The following MAPKAPK2 variants were observed in gnomAD, a reference collection of about 807,000 sequenced individuals.
MAPKAPK2 encodes MAPK activated protein kinase 2, also known as MAP kinase-activated protein kinase 2.
A neutral mutation model predicts 48.8 loss-of-function variants in MAPKAPK2; 9 were observed. The ratio of observed to expected loss-of-function variants is 0.18; its 90% confidence interval spans 0.11 to 0.32. The LOEUF (loss-of-function observed/expected upper bound fraction) is 0.32. Among genes scored for constraint, MAPKAPK2 ranks in the 10% least tolerant of loss-of-function variants. The pLI is 1.00. For synonymous variants in MAPKAPK2, 202 were observed against 190.6 expected (o/e 1.06, Z -0.49); for missense variants, 331 against 498.3 (o/e 0.66, Z 3.20).
In MAPKAPK2 at chr1:206,732,654, A is replaced by G. The variant is rs1553432918; in HGVS notation, c.1139A>G (p.Asn380Ser). 1.2e-6 allele frequency: 2 copies of G among 1,614,078 alleles called. No individual in the cohort carries two copies. Among genetic ancestry groups the G allele is most frequent in the Non-Finnish European group, 1.7e-6 (2 of 1,180,024 alleles). The change falls in exon 10 of 10, where the codon AAC becomes AGC. Residue 380 changes from asparagine to serine, a missense_variant. Transcript: ENST00000367103. The surrounding 1 kb of genome is among the most constrained non-coding windows in gnomAD (Gnocchi z 4.4). ...ATAAAAAAGATTGAAGATGCATCCA[A>G]CCCTCTGCTGCTGAAGAGGCGGAAG... ...IKIKKIEDAS[N>S]PLLLKRRKKA...
chr1:206,691,482 G>GATATATATAT (rs56752335), intron 1 of MAPKAPK2, among the ~76,000 whole-genome samples: 7,415 of 77,070 alleles, frequency 0.096, 797 homozygotes, highest in East Asian at 0.23. Flanking sequence ...TGTATTTTAA[G>GATATATATAT]ATATATATAT....
At chr1:206,707,400 C>G (rs1672998244) in intron 1 of MAPKAPK2, among the ~76,000 whole-genome samples, 1 of 151,772 alleles carries the variant, frequency 6.6e-6, no homozygotes, top group South Asian at 2.1e-4. Context: ...TCTCCCTCTT[C>G]TTTAAGATGT....
At chr1:206,711,393 G>A (rs961613483) in intron 1 of MAPKAPK2, among the ~76,000 whole-genome samples, 2 of 152,078 alleles carry the variant, frequency 1.3e-5, no homozygotes, top group Non-Finnish European at 2.9e-5. Flanking sequence ...TGGTACCACA[G>A]GTGCGTACCA....
At chr1:206,728,962 GA>G in intron 2 of MAPKAPK2, 72 bp from the exon 3 acceptor site, 1 of 1,611,736 alleles carries the variant, frequency 6.2e-7, no homozygotes, top group Non-Finnish European at 8.5e-7. Flanking sequence ...GTAAACACTT[GA>G]TTTTTTGGGG....
At chr1:206,711,407 C>T (rs1162844999) in intron 1 of MAPKAPK2, among the ~76,000 whole-genome samples, 1 of 152,072 alleles carries the variant, frequency 6.6e-6, no homozygotes, top group Non-Finnish European at 1.5e-5. Flanking sequence ...CGTACCACCA[C>T]ACCCAGCTAA....
Position 206,731,007 on chromosome 1 carries a change from C to A in MAPKAPK2, c.768-131C>A. The stretch of plus-strand genomic sequence containing the variant: ...CCCGGGCTTGACTTTGTATATTGTG[C>A]CTGTGTCAATAAGCCCTGATTTCTC... On this transcript the variant is annotated intron_variant, in intron 6 of 9. Coordinates refer to ENST00000367103, the MANE Select transcript of MAPKAPK2 (RefSeq NM_032960.4). This position sits in a 1 kb window ranked among gnomAD's most constrained non-coding sequence, Gnocchi z 5.9. 3 of 1,294,396 alleles carry A rather than the reference C, an allele frequency of 2.3e-6. No individual in the cohort carries two copies. The highest frequency in any genetic ancestry group is 3.3e-6 in the Non-Finnish European group (3 of 905,168). The allele number at this position is 1,294,396 out of a possible 1,614,324, so 80.2% of individuals were successfully genotyped here.
rs782509239 is a variant in MAPKAPK2, at chr1:206,706,810, C to T, written c.279+21302C>T. Among the ~76,000 whole-genome samples the T allele has an allele frequency of 2.0e-5, 3 of 152,212 alleles. 1 individual carries two copies. In the South Asian group the frequency reaches 6.2e-4, roughly 31 times the overall value. The stretch of plus-strand genomic sequence containing the variant: ...GCTTCAGATGTGCTCTTTCTAGGTC[C>T]TGGCTTGAGTGCTGAGCATTTACCT... On this transcript the variant is annotated intron_variant, in intron 1 of 9. Transcript: ENST00000367103.
At chr1:206,713,678 C>T (rs904419254) in intron 1 of MAPKAPK2, among the ~76,000 whole-genome samples, 4 of 152,068 alleles carry the variant, frequency 2.6e-5, no homozygotes, top group Non-Finnish European at 5.9e-5. Flanking sequence ...ACCAGCCTGG[C>T]CAACATGTGA....
intron 1 of MAPKAPK2, among the ~76,000 whole-genome samples, chr1:206,723,955 C>T (rs1349038398): frequency 2.0e-5 from 3 of 152,264 alleles, no homozygotes; most frequent in Admixed American, 6.5e-5. Flanking sequence ...AATCATTAAC[C>T]TTTTCTACGT....
Position 206,692,911 on chromosome 1 carries a change from A to T in MAPKAPK2, c.279+7403A>T, listed in dbSNP as rs880002662. Among the ~76,000 whole-genome samples, 96 of 152,202 alleles carry T rather than the reference A, an allele frequency of 6.3e-4. 1 individual carries two copies. The highest frequency in any genetic ancestry group is 1.1e-3 in the Non-Finnish European group (74 of 67,996). ...TTTTCTGTTTCAGAGCATATGAGGGAGCTGAGGGAGCTGTACTGTTGATGC... is the reference window on the plus strand; with the variant it reads ...TTTTCTGTTTCAGAGCATATGAGGGTGCTGAGGGAGCTGTACTGTTGATGC... On this transcript the variant is annotated intron_variant, in intron 1 of 9. Coordinates refer to ENST00000367103, the MANE Select transcript of MAPKAPK2 (RefSeq NM_032960.4).
intron 1 of MAPKAPK2, 105 bp from the exon 2 acceptor site, chr1:206,728,604 TG>T: frequency 5.3e-6 from 6 of 1,122,946 alleles, no homozygotes; most frequent in African/African-American, 2.1e-5. Flanking sequence ...CCAGCAGGAG[TG>T]GGGGGTTTGT....
chr1:206,698,960 C>T lies in MAPKAPK2; in HGVS notation c.279+13452C>T, dbSNP rs117539603. On this transcript the variant is annotated intron_variant, in intron 1 of 9. Coordinates refer to ENST00000367103, the MANE Select transcript of MAPKAPK2 (RefSeq NM_032960.4). The stretch of plus-strand genomic sequence containing the variant: ...CTCACAGTATTGCCTCTCTAATGGT[C>T]CTTTGTGACTCCATTATAATTGGGT... Among the ~76,000 whole-genome samples, 46 of 152,270 alleles carry T rather than the reference C, an allele frequency of 3.0e-4. No individual in the cohort carries two copies. In the East Asian group the frequency reaches 8.9e-3, roughly 29 times the overall value.
At chr1:206,721,213 C>T (rs1553431168) in intron 1 of MAPKAPK2, among the ~76,000 whole-genome samples, 1 of 152,160 alleles carries the variant, frequency 6.6e-6, no homozygotes, top group African/African-American at 2.4e-5. Flanking sequence ...TGCCATGTGA[C>T]ATCCCTGCTC....
intron 1 of MAPKAPK2, among the ~76,000 whole-genome samples, chr1:206,716,201 G>A (rs1673325709): frequency 6.6e-6 from 1 of 151,982 alleles, no homozygotes; most frequent in African/African-American, 2.4e-5. Context: ...TGTGTGAGAG[G>A]TAATGTAGAG....
chr1:206,722,954 C>T (rs536322563), intron 1 of MAPKAPK2, among the ~76,000 whole-genome samples: 5 of 152,342 alleles, frequency 3.3e-5, no homozygotes, highest in Middle Eastern at 3.4e-3. Flanking sequence ...ACGTGGCTTT[C>T]CCCCGACCCC....
In MAPKAPK2 at chr1:206,711,940, C is replaced by G. The variant is rs372609533; in HGVS notation, c.280-16770C>G. ...GCCTGGCCCCGTTGTCTATTAACAG[C>G]TGTTTAGTTTATTTCCTTCTGTCCC... On this transcript the variant is annotated intron_variant, in intron 1 of 9. Coordinates refer to ENST00000367103, the MANE Select transcript of MAPKAPK2 (RefSeq NM_032960.4). 1.3e-3 allele frequency among the ~76,000 whole-genome samples: 194 copies of G among 152,272 alleles called. 1 individual carries two copies. Among genetic ancestry groups the G allele is most frequent in the African/African-American group, 4.5e-3 (187 of 41,554 alleles).
rs6660395 is a variant in MAPKAPK2, at chr1:206,704,933, A to G, written c.279+19425A>G. On this transcript the variant is annotated intron_variant, in intron 1 of 9. Transcript: ENST00000367103. This position sits in a 1 kb window ranked among gnomAD's most constrained non-coding sequence, Gnocchi z 4.3. ...AGCGCCAGTCCCGAGACACTCTGTG[A>G]TCATCTAAACTGGGGAACAGTCTGC... is the stretch of plus-strand genomic sequence containing the variant. Among the ~76,000 whole-genome samples, 833 of 152,322 alleles carry G rather than the reference A, an allele frequency of 5.5e-3. 4 individuals carry two copies. The highest frequency in any genetic ancestry group is 9.2e-3 in the Non-Finnish European group (625 of 68,016).
In MAPKAPK2 at chr1:206,685,367, C is replaced by T. The variant is rs1553425409; in HGVS notation, c.138C>T (p.Phe46=). The T allele has an allele frequency of 2.7e-6, 4 of 1,474,768 alleles. No individual in the cohort carries two copies. The highest frequency in any genetic ancestry group is 3.2e-5 in the East Asian group (1 of 30,872). 91.4% of individuals were successfully genotyped at this position (1,474,768 alleles called of 1,614,324 possible). ...PPPPPQQFPQ[F]HVKSGLQIKK... is the part of the protein sequence containing the mutation. Reference sequence around the variant, plus strand: ...CGCCCCCGCAGCAGTTCCCGCAGTTCCACGTCAAGTCCGGCCTGCAGATCA... The same window carrying T: ...CGCCCCCGCAGCAGTTCCCGCAGTTTCACGTCAAGTCCGGCCTGCAGATCA... Residue 46 remains phenylalanine, a synonymous_variant, in exon 1 of 10, where the codon TTC becomes TTT. Transcript: ENST00000367103.
At chr1:206,723,459 A>G (rs1673606293) in intron 1 of MAPKAPK2, among the ~76,000 whole-genome samples, 1 of 152,178 alleles carries the variant, frequency 6.6e-6, no homozygotes, top group Non-Finnish European at 1.5e-5. Flanking sequence ...TGGGTAAGGG[A>G]ACCAAGGCAC....
Sources: allele counts gnomAD v4.1 joint callset (sites outside exome capture counted in the v4.1 genomes callset), GRCh38; gene constraint gnomAD v4.1.1; non-coding constraint Gnocchi (gnomAD v3.1); transcripts MANE v1.5; gene names NCBI Gene and HGNC (gene_info 2026-07-23, HGNC 2026-07-21).